The following RELN variants were observed in gnomAD, a reference collection of about 807,000 sequenced individuals.
The protein encoded by RELN is reelin.
A neutral mutation model predicts 427.6 loss-of-function variants in RELN; 108 were observed. The observed-to-expected ratio is 0.25, with a 90% confidence interval of 0.22 to 0.30. The LOEUF (loss-of-function observed/expected upper bound fraction) is 0.30. Among genes scored for constraint, RELN ranks in the 10% least tolerant of loss-of-function variants. The pLI is 1.00. For missense variants in RELN, 3,715 were observed against 4,302.8 expected (o/e 0.86, Z 3.82); for synonymous variants, 1,524 against 1,513.4 (o/e 1.01, Z -0.16).
chr7:103,780,560 C>T (rs1791863500), intron 3 of RELN, among the ~76,000 whole-genome samples: 1 of 152,154 alleles, frequency 6.6e-6, no homozygotes, highest in South Asian at 2.1e-4. Flanking sequence ...CCACCCTCCA[C>T]CCTCCAATAG....
At chr7:103,856,437 T>C (rs13247379) in intron 2 of RELN, among the ~76,000 whole-genome samples, 21,676 of 151,132 alleles carry the variant, frequency 0.14, 1,829 homozygotes, top group East Asian at 0.34. Flanking sequence ...TCTGTGGTGG[T>C]GCATGCCTGT....
intron 2 of RELN, among the ~76,000 whole-genome samples, chr7:103,913,941 A>T (rs1795424639): frequency 6.6e-6 from 1 of 152,216 alleles, no homozygotes; most frequent in African/African-American, 2.4e-5. Context: ...AATGCAAAGG[A>T]TCTAGTGTAA....
intron 2 of RELN, among the ~76,000 whole-genome samples, chr7:103,878,008 A>C: frequency 6.6e-6 from 1 of 152,078 alleles, no homozygotes; most frequent in East Asian, 1.9e-4. Context: ...GGCATGCACC[A>C]ACACGCCCAG....
chr7:103,561,736 G>A (rs200300279), intron 35 of RELN, 27 bp from the exon 36 acceptor site: 1 of 1,613,764 alleles, frequency 6.2e-7, no homozygotes, highest in South Asian at 1.1e-5. Flanking sequence ...GTGGAGAAAA[G>A]ACATTTGTCA....
chr7:103,575,567 G>A lies in RELN; in HGVS notation c.4284C>T (p.Phe1428=). 1.9e-6 allele frequency: 3 copies of A among 1,614,108 alleles called. No individual in the cohort carries two copies. Among genetic ancestry groups the A allele is most frequent in the Non-Finnish European group, 2.5e-6 (3 of 1,179,990 alleles). Residue 1428 remains phenylalanine, a synonymous_variant, in exon 29 of 65, where the codon TTC becomes TTT. Coordinates refer to ENST00000428762, the MANE Select transcript of RELN (RefSeq NM_005045.4). ...GHGDCISGVC[F]CDLGYTAAQG... ...CCTTACCAGTATATCCCAGGTCACA[G>A]AAACACACTCCTGAAATGCAGTCCC...
intron 2 of RELN, among the ~76,000 whole-genome samples, chr7:103,835,565 A>T (rs1475004953): frequency 6.6e-6 from 1 of 152,040 alleles, no homozygotes; most frequent in Non-Finnish European, 1.5e-5. Context: ...GTGTATGGCA[A>T]CTCTGTGCTT....
At chr7:103,539,763 G>A (rs773449315) in intron 44 of RELN, among the ~76,000 whole-genome samples, 50 of 152,280 alleles carry the variant, frequency 3.3e-4, no homozygotes, top group Non-Finnish European at 5.9e-4. Flanking sequence ...ATCTTATTAT[G>A]TATAAAGATC....
intron 6 of RELN, among the ~76,000 whole-genome samples, chr7:103,728,815 G>T (rs2283026): frequency 0.098 from 14,861 of 152,040 alleles, 782 homozygotes; most frequent in East Asian, 0.16. Flanking sequence ...TAAAAACAAT[G>T]AAATCAGATT....
chr7:103,627,390 C>T (rs898720153), intron 20 of RELN, among the ~76,000 whole-genome samples: 1 of 152,030 alleles, frequency 6.6e-6, no homozygotes, highest in East Asian at 1.9e-4. Flanking sequence ...TGAAAAACAT[C>T]CCCAAGGTGA....
intron 2 of RELN, among the ~76,000 whole-genome samples, chr7:103,848,204 T>C (rs1477151588): frequency 6.6e-6 from 1 of 152,156 alleles, no homozygotes; most frequent in Non-Finnish European, 1.5e-5. Flanking sequence ...GTGGGTGATC[T>C]CCAGATCATT....
chr7:103,639,916 A>C (rs1832663810), intron 17 of RELN, among the ~76,000 whole-genome samples: 1 of 152,212 alleles, frequency 6.6e-6, no homozygotes, highest in Admixed American at 6.5e-5. Context: ...TGACATAATA[A>C]ATGTGAATAT....
chr7:103,510,105 G>C (rs138916593), intron 51 of RELN, among the ~76,000 whole-genome samples: 5,425 of 152,246 alleles, frequency 0.036, 131 homozygotes, highest in South Asian at 0.087. Flanking sequence ...TCTAGAACTA[G>C]AAATACCATT....
chr7:103,681,187 A>G (rs1182842862), intron 11 of RELN, among the ~76,000 whole-genome samples: 1 of 152,136 alleles, frequency 6.6e-6, no homozygotes, highest in Non-Finnish European at 1.5e-5. Context: ...ATTGGGTCTG[A>G]ATGGAGTTCT....
intron 4 of RELN, among the ~76,000 whole-genome samples, chr7:103,765,770 T>C (rs1262283200): frequency 2.0e-5 from 3 of 152,124 alleles, no homozygotes; most frequent in African/African-American, 7.2e-5. Flanking sequence ...GCACCCAAAA[T>C]AACTCAATGT....
intron 12 of RELN, among the ~76,000 whole-genome samples, chr7:103,660,982 A>G (rs568338549): frequency 1.3e-5 from 2 of 152,206 alleles, no homozygotes; most frequent in Non-Finnish European, 2.9e-5. Flanking sequence ...CTACTACAAA[A>G]GAGTTATGCA....
intron 3 of RELN, among the ~76,000 whole-genome samples, chr7:103,802,194 TA>T: frequency 6.6e-6 from 1 of 152,256 alleles, no homozygotes; most frequent in East Asian, 1.9e-4. Context: ...GAAAATAAAT[TA>T]AACAATCTTA....
intron 51 of RELN, among the ~76,000 whole-genome samples, chr7:103,507,803 G>T (rs1447289467): frequency 6.6e-6 from 1 of 151,912 alleles, no homozygotes; most frequent in Non-Finnish European, 1.5e-5. Flanking sequence ...GAATAAGGAA[G>T]AAAAGAGAGA....
At chr7:103,750,482 G>T (rs778059025) in intron 5 of RELN, among the ~76,000 whole-genome samples, 5 of 152,116 alleles carry the variant, frequency 3.3e-5, no homozygotes, top group Non-Finnish European at 7.4e-5. Context: ...TTAGCAGCGT[G>T]AGAATGAACT....
intron 2 of RELN, among the ~76,000 whole-genome samples, chr7:103,895,945 G>A (rs1043591088): frequency 6.6e-6 from 1 of 152,092 alleles, no homozygotes; most frequent in African/African-American, 2.4e-5. Flanking sequence ...ACATACATCT[G>A]ATAGAGGACT....
Sources: allele counts gnomAD v4.1 joint callset (sites outside exome capture counted in the v4.1 genomes callset), GRCh38; gene constraint gnomAD v4.1.1; transcripts MANE v1.5; gene names NCBI Gene and HGNC (gene_info 2026-07-23, HGNC 2026-07-21).